The following CDKL4 variants were observed in gnomAD, a reference collection of about 807,000 sequenced individuals.
CDKL4 encodes cyclin dependent kinase like 4.
A neutral mutation model predicts 42.0 loss-of-function variants in CDKL4; 44 were observed. That is an observed-to-expected ratio of 1.05 (90% CI 0.82 to 1.35). CDKL4 has a LOEUF of 1.35. Ranked by LOEUF, CDKL4 falls within the 40% of genes most tolerant of loss-of-function variation. The probability of loss-of-function intolerance (pLI) is 0.00; values close to 1 mark genes in which losing one functional copy is unlikely to be tolerated. For synonymous variants in CDKL4, 120 were observed against 121.6 expected (o/e 0.99, Z 0.09); for missense variants, 393 against 369.9 (o/e 1.06, Z -0.51).
intron 4 of CDKL4, among the ~76,000 whole-genome samples, chr2:39,210,096 T>C (rs934954499): frequency 6.6e-6 from 1 of 152,156 alleles, no homozygotes; most frequent in African/African-American, 2.4e-5. Context: ...CAAGTGATTC[T>C]CCCACCTCAG....
intron 8 of CDKL4, among the ~76,000 whole-genome samples, chr2:39,184,252 C>T (rs1046425725): frequency 9.8e-5 from 15 of 152,292 alleles, no homozygotes; most frequent in South Asian, 2.1e-4. Flanking sequence ...TCTAGTGTGG[C>T]GCCATGAATG....
chr2:39,241,753 G>A (rs926000380), intron 1 of CDKL4, among the ~76,000 whole-genome samples: 10 of 152,018 alleles, frequency 6.6e-5, no homozygotes, highest in African/African-American at 9.7e-5. Context: ...TTCTCTGCTC[G>A]CATGCTATGT....
chr2:39,200,446 T>C (rs952341873), intron 5 of CDKL4, among the ~76,000 whole-genome samples: 2 of 151,916 alleles, frequency 1.3e-5, no homozygotes, highest in South Asian at 4.1e-4. Flanking sequence ...GCAATTCCCA[T>C]CAAAATACCC....
downstream of CDKL4, among the ~76,000 whole-genome samples, chr2:39,175,411 A>G (rs926018732): frequency 2.0e-5 from 3 of 152,216 alleles, no homozygotes; most frequent in African/African-American, 7.2e-5. Context: ...AGCTTTAAAA[A>G]TAGAATCATC....
chr2:39,186,482 T>C (rs1675835491), intron 7 of CDKL4, among the ~76,000 whole-genome samples: 1 of 152,130 alleles, frequency 6.6e-6, no homozygotes, highest in Non-Finnish European at 1.5e-5. Flanking sequence ...TATGGAGCTT[T>C]AAAGAGCATA....
intron 1 of CDKL4, among the ~76,000 whole-genome samples, chr2:39,240,613 T>C (rs1003376834): frequency 3.4e-5 from 5 of 147,700 alleles, no homozygotes; most frequent in African/African-American, 1.3e-4. Context: ...ATGTGGATTA[T>C]CCATGCAACG....
intron 1 of CDKL4, among the ~76,000 whole-genome samples, chr2:39,239,897 C>A (rs539981107): frequency 9.2e-5 from 14 of 151,716 alleles, no homozygotes; most frequent in South Asian, 4.2e-4. Flanking sequence ...CAAGACCAGC[C>A]TGGCCAACAT....
chr2:39,184,173 TC>T (rs1558545354), intron 8 of CDKL4, among the ~76,000 whole-genome samples: 1 of 152,226 alleles, frequency 6.6e-6, no homozygotes, highest in Non-Finnish European at 1.5e-5. Flanking sequence ...AGATACCCTC[TC>T]TGGTATCCTC....
chr2:39,227,055 G>A (rs780981363), intron 2 of CDKL4, among the ~76,000 whole-genome samples: 2 of 152,114 alleles, frequency 1.3e-5, no homozygotes, highest in African/African-American at 2.4e-5. Context: ...CAATGTGCTC[G>A]GATTACAGGC....
At chr2:39,196,169 A>G (rs1297537121) in intron 5 of CDKL4, among the ~76,000 whole-genome samples, 1 of 152,208 alleles carries the variant, frequency 6.6e-6, no homozygotes, top group East Asian at 1.9e-4. Flanking sequence ...GTCAACCAAC[A>G]TAAAACTAGT....
intron 4 of CDKL4, among the ~76,000 whole-genome samples, chr2:39,209,112 G>C (rs1236996011): frequency 6.8e-6 from 1 of 146,668 alleles, no homozygotes; most frequent in African/African-American, 2.5e-5. Flanking sequence ...ACCACCCTGG[G>C]CAACACAATG....
At chr2:39,176,650 T>C (rs1675180257) in intron 9 of CDKL4, among the ~76,000 whole-genome samples, 1 of 152,152 alleles carries the variant, frequency 6.6e-6, no homozygotes, top group Admixed American at 6.6e-5. Context: ...GCCAGGCTGG[T>C]CTTGAACTCC....
intron 7 of CDKL4, 59 bp from the exon 8 acceptor site, chr2:39,184,706 ATATATGTGCGTATGTATG>A: frequency 8.8e-7 from 1 of 1,132,654 alleles, no homozygotes; most frequent in Non-Finnish European, 1.3e-6. Context: ...ATGTGTGTGT[ATATATGTGCGTATGTATG>A]TGTGTGTGTG....
chr2:39,215,806 T>C lies in CDKL4; in HGVS notation c.291-2334A>G, dbSNP rs972877128. Among the ~76,000 whole-genome samples the C allele has an allele frequency of 2.6e-5, 4 of 152,238 alleles. No individual in the cohort carries two copies. The South Asian group carries it at 8.3e-4, about 31-fold the overall frequency. ...ATCTTGTACCACAATTATGGTGGCA[T>C]GTCCTTGACATCAGTGGCCCAGTGG... On this transcript the variant is annotated intron_variant, in intron 3 of 9. Coordinates refer to ENST00000451199, the Ensembl canonical transcript of CDKL4.
chr2:39,211,375 G>A (rs1011598830), intron 4 of CDKL4, among the ~76,000 whole-genome samples: 10 of 152,134 alleles, frequency 6.6e-5, no homozygotes, highest in African/African-American at 1.9e-4. Context: ...GCAGTAGAGC[G>A]AGACTGTCCC....
At chr2:39,178,851 A>G (rs1675278564) in intron 9 of CDKL4, 2 of 1,503,490 alleles carry the variant, frequency 1.3e-6, no homozygotes, top group East Asian at 4.9e-5. Context: ...ATGCTGGCAA[A>G]ACTCAGTCCT....
intron 6 of CDKL4, among the ~76,000 whole-genome samples, chr2:39,188,951 G>A (rs1033430627): frequency 1.3e-5 from 2 of 152,152 alleles, no homozygotes; most frequent in African/African-American, 4.8e-5. Context: ...TGAGGAAAAT[G>A]AGGCTTAGAG....
intron 2 of CDKL4, among the ~76,000 whole-genome samples, chr2:39,226,400 CTG>C (rs1265919256): frequency 3.3e-5 from 4 of 122,440 alleles, no homozygotes; most frequent in Non-Finnish European, 5.2e-5. Context: ...CACAATTAGT[CTG>C]TGTTTTAAAT....
upstream of CDKL4, among the ~76,000 whole-genome samples, chr2:39,246,757 T>C (rs566592549): frequency 8.1e-4 from 124 of 152,296 alleles, no homozygotes; most frequent in Non-Finnish European, 1.5e-3. Flanking sequence ...ACCTTTTTTT[T>C]TTTGGAAACA....
Sources: gnomAD v4.1 joint callset for allele counts (sites outside exome capture counted in the v4.1 genomes callset) on GRCh38, gnomAD v4.1.1 for gene constraint, MANE v1.5 for transcripts, NCBI Gene and HGNC (gene_info 2026-07-23, HGNC 2026-07-21) for gene names.